CREBBP: variants seen among roughly 807,000 people sequenced by gnomAD.
CREBBP encodes CREB binding lysine acetyltransferase, also known as CREB-binding protein.
Under a neutral mutation model 265.0 loss-of-function variants are expected in CREBBP, and 19 were observed. The observed-to-expected ratio is 0.07, with a 90% confidence interval of 0.05 to 0.11. The LOEUF (loss-of-function observed/expected upper bound fraction) is 0.11, where lower values mean the gene tolerates loss of function less well. Ranked by LOEUF, CREBBP falls within the 10% of genes least tolerant of loss-of-function variation. The pLI is 1.00. For synonymous variants in CREBBP, 1,457 were observed against 1,223.7 expected, an observed-to-expected ratio of 1.19 and a Z score of -3.98; for missense variants, 2,525 against 3,219.0, an observed-to-expected ratio of 0.78 and a Z score of 5.22.
At position 3,863,601 on chromosome 16, in the gene CREBBP, CAAAACA is replaced by C. The variant is rs913187600; in HGVS notation, c.86-12598_86-12593del. 1.1e-4 allele frequency among the ~76,000 whole-genome samples: 17 copies of C among 152,180 alleles called. No individual in the cohort carries two copies. In the East Asian group the frequency reaches 1.7e-3, roughly 16 times the overall value. On this transcript the variant is annotated intron_variant, in intron 1 of 30. Transcript: ENST00000262367. Reference sequence around the variant, plus strand: ...TGGGTGACAGAGCAAGATTCTGTCTCAAAACAAAAACAAAAACAAAAAACCCTAGAC... The same window carrying C: ...TGGGTGACAGAGCAAGATTCTGTCTCAAAACAAAAACAAAAAACCCTAGAC...
intron 17 of CREBBP, among the ~76,000 whole-genome samples, chr16:3,758,495 C>A (rs2052637786): frequency 6.6e-6 from 1 of 152,162 alleles, no homozygotes; most frequent in Non-Finnish European, 1.5e-5. Context: ...TCCCCATGGC[C>A]TTTGCAAGGC....
rs2051901325 is a variant in CREBBP, at chr16:3,731,078, G to A, written c.5172+114C>T. 9.1e-7 allele frequency: 1 copy of A among 1,097,830 alleles called. No individual in the cohort carries two copies. The highest frequency in any genetic ancestry group is 1.5e-5 in the African/African-American group (1 of 65,328). 68.0% of individuals were successfully genotyped at this position (1,097,830 alleles called of 1,614,324 possible). On this transcript the variant is annotated intron_variant, in intron 30 of 30. Transcript: ENST00000262367. This position sits in a 1 kb window ranked among gnomAD's most constrained non-coding sequence, Gnocchi z 7.7. ...GTGACGCTGTCCTAGTTCTGGAGGAGTCAGTGCAGCCACCATCAGGTACAG... is the reference window on the plus strand; with the variant it reads ...GTGACGCTGTCCTAGTTCTGGAGGAATCAGTGCAGCCACCATCAGGTACAG...
At chr16:3,870,812 T>A (rs1019052373) in intron 1 of CREBBP, among the ~76,000 whole-genome samples, 29 of 152,094 alleles carry the variant, frequency 1.9e-4, no homozygotes, top group African/African-American at 6.8e-4. Context: ...CTCAACCTGC[T>A]ATATGCCAGG....
chr16:3,769,106 C>G (rs2141189194), intron 15 of CREBBP, 68 bp downstream of exon 15: 1 of 1,581,470 alleles, frequency 6.3e-7, no homozygotes, highest in East Asian at 2.2e-5. Context: ...AGGCTCCAAG[C>G]CTCGCCCGAG....
chr16:3,837,805 A>G (rs1567351276), intron 2 of CREBBP, among the ~76,000 whole-genome samples: 1 of 152,156 alleles, frequency 6.6e-6, no homozygotes. Flanking sequence ...ACAGTAAGCT[A>G]ATTTATTACT....
chr16:3,844,887 GATTT>G (rs1296569093), intron 2 of CREBBP, among the ~76,000 whole-genome samples: 7 of 151,986 alleles, frequency 4.6e-5, no homozygotes, highest in Non-Finnish European at 7.4e-5. Context: ...TAGTAAGAAA[GATTT>G]ATTACACAGA....
At chr16:3,849,591 A>C (rs1280492938) in intron 2 of CREBBP, among the ~76,000 whole-genome samples, 1 of 143,264 alleles carries the variant, frequency 7.0e-6, no homozygotes, top group Non-Finnish European at 1.5e-5. Flanking sequence ...GGCTGGTCTC[A>C]AACTCCTAGA....
intron 2 of CREBBP, among the ~76,000 whole-genome samples, chr16:3,831,323 A>T (rs192566389): frequency 0.011 from 1,687 of 152,330 alleles, 28 homozygotes; most frequent in African/African-American, 0.038. Context: ...AAACTAATTT[A>T]AAAAATGTAT....
intron 2 of CREBBP, among the ~76,000 whole-genome samples, chr16:3,811,692 T>C (rs956262973): frequency 6.6e-6 from 1 of 151,978 alleles, no homozygotes. Flanking sequence ...CACGGTTTCA[T>C]CATGCTGGCC....
chr16:3,734,216 G>A (rs1396965224), intron 28 of CREBBP, among the ~76,000 whole-genome samples: 2 of 152,228 alleles, frequency 1.3e-5, no homozygotes, highest in East Asian at 3.9e-4. Context: ...GCAGAGCAGA[G>A]CTAATAGCAA....
At position 3,728,538 on chromosome 16, in the gene CREBBP, G is replaced by C. The variant is rs2051815160; in HGVS notation, c.6509C>G (p.Ala2170Gly). 1 of 1,614,038 alleles carries C rather than the reference G, an allele frequency of 6.2e-7. No individual in the cohort carries two copies. Among genetic ancestry groups the C allele is most frequent in the African/African-American group, 1.3e-5 (1 of 75,046 alleles). ...AMGGLNPQGQALNIMNPGHNP... is the reference protein window; with the variant it reads ...AMGGLNPQGQGLNIMNPGHNP... Reference sequence around the variant, plus strand: ...GTGTCCTGGGTTCATGATGTTCAAGGCCTGGCCCTGGGGGTTCAGGCCTCC... The same window carrying C: ...GTGTCCTGGGTTCATGATGTTCAAGCCCTGGCCCTGGGGGTTCAGGCCTCC... Residue 2170 changes from alanine (A) to glycine (G), a missense_variant, in exon 31 of 31, where the codon GCC (alanine) becomes GGC (glycine). This residue lies in a region of CREBBP where 473 missense variants were observed against 459.3 expected (regional missense o/e 1.03). Coordinates refer to ENST00000262367, the MANE Select transcript of CREBBP (RefSeq NM_004380.3). This position sits in a 1 kb window ranked among gnomAD's most constrained non-coding sequence, Gnocchi z 8.7.
chr16:3,773,760 G>C lies in CREBBP; in HGVS notation c.2454C>G (p.Gly818=), dbSNP rs775185044. 6.2e-7 allele frequency: 1 copy of C among 1,613,902 alleles called. No homozygotes were observed. Among genetic ancestry groups the C allele is most frequent in the Non-Finnish European group, 8.5e-7 (1 of 1,180,012 alleles). Residue 818 remains glycine (G), a synonymous_variant, in exon 13 of 31, where the codon GGC becomes GGG. Coordinates refer to ENST00000262367, the MANE Select transcript of CREBBP (RefSeq NM_004380.3). The stretch of plus-strand genomic sequence containing the variant: ...CAGTGGGGCACAGTACCTGTGACAC[G>C]CCTGTTTGGGCTGGCGGCTGCCCCA... The part of the protein sequence containing the change: ...VGMGQPPAQT[G]VSQGQVPGAA...
chr16:3,849,433 GTGTGTGTGTGTGTGTGTGTGTGTGTGTGT>G, intron 2 of CREBBP, among the ~76,000 whole-genome samples: 1 of 14,316 alleles, frequency 7.0e-5, no homozygotes, highest in East Asian at 4.0e-3. Context: ...GTGTGTGTGT[GTGTGTGTGTGTGTGTGTGTGTGTGTGTGT>G]GTGTGTGTGT....
intron 2 of CREBBP, among the ~76,000 whole-genome samples, chr16:3,849,423 GTGTGTGTGTGTGTGTGTGTGTGTGTGTGT>G (rs2054746955): frequency 5.2e-3 from 51 of 9,852 alleles, no homozygotes; most frequent in Non-Finnish European, 0.031. Context: ...GTGTGTGTGT[GTGTGTGTGTGTGTGTGTGTGTGTGTGTGT>G]GTGTGTGTGT....
At chr16:3,735,663 C>T (rs1019495400) in intron 28 of CREBBP, among the ~76,000 whole-genome samples, 2 of 152,172 alleles carry the variant, frequency 1.3e-5, no homozygotes, top group Non-Finnish European at 1.5e-5. Context: ...GGAGAGAGGG[C>T]AGCAGGGCAT....
intron 2 of CREBBP, chr16:3,813,064 A>G (rs2053968439): frequency 4.4e-6 from 1 of 228,868 alleles, no homozygotes; most frequent in African/African-American, 2.2e-5. Flanking sequence ...TCAGCTCTAA[A>G]AGTCTAGGCT....
At chr16:3,839,587 C>T (rs1411263592) in intron 2 of CREBBP, among the ~76,000 whole-genome samples, 1 of 151,254 alleles carries the variant, frequency 6.6e-6, no homozygotes, top group Non-Finnish European at 1.5e-5. Flanking sequence ...GAGGCTGAGG[C>T]AGGAAAATTG....
chr16:3,771,034 A>C (rs2052995038), intron 13 of CREBBP, 48 bp from the exon 14 acceptor site: 3 of 1,604,924 alleles, frequency 1.9e-6, no homozygotes, highest in Non-Finnish European at 2.6e-6. Context: ...CCCGTTTGAA[A>C]ATGTGATGAA....
intron 4 of CREBBP, among the ~76,000 whole-genome samples, chr16:3,792,907 AC>A (rs2053535442): frequency 6.6e-6 from 1 of 152,226 alleles, no homozygotes; most frequent in Non-Finnish European, 1.5e-5. Context: ...GTCACCCAGG[AC>A]AACTTCGCTG....
Sources: gnomAD v4.1 joint callset for allele counts (sites outside exome capture counted in the v4.1 genomes callset) on GRCh38, gnomAD v4.1.1 for gene constraint, gnomAD v4.1.1 regional missense constraint, Gnocchi (gnomAD v3.1) non-coding constraint, MANE v1.5 for transcripts, NCBI Gene and HGNC (gene_info 2026-07-23, HGNC 2026-07-21) for gene names.